Variants in UBE4B observed in about 807,000 individuals in gnomAD.
UBE4B encodes ubiquitination factor E4B, also known as ubiquitin conjugation factor E4 B.
UBE4B carries 27 observed loss-of-function variants against 148.1 expected under a neutral mutation model. That is an observed-to-expected ratio of 0.18 (90% confidence interval 0.13 to 0.25). The LOEUF is 0.25. Among genes scored for constraint, UBE4B ranks in the 10% least tolerant of loss-of-function variants. The probability of loss-of-function intolerance (pLI) is 1.00; values close to 1 mark genes in which losing one functional copy is unlikely to be tolerated. For missense variants in UBE4B, 1,170 were observed against 1,662.4 expected (o/e 0.70, Z 5.15); for synonymous variants, 596 against 619.3 (o/e 0.96, Z 0.56).
Position 10,178,629 on chromosome 1 carries a change from A to G in UBE4B, c.3526-15A>G. 1 of 1,577,872 alleles carries G rather than the reference A, an allele frequency of 6.3e-7. No individual in the cohort carries two copies. The highest frequency in any genetic ancestry group is 2.3e-5 in the East Asian group (1 of 43,706). ...ACGTACATTTACGTCTCACATTGCCATTCCTCCTTTGCAGAGATCCTACAG... is the reference window on the plus strand; with the variant it reads ...ACGTACATTTACGTCTCACATTGCCGTTCCTCCTTTGCAGAGATCCTACAG... On this transcript the variant is annotated splice_polypyrimidine_tract_variant and intron_variant, in intron 25 of 27. Transcript: ENST00000343090.
intron 10 of UBE4B, among the ~76,000 whole-genome samples, chr1:10,125,127 A>AAAAAAG (rs138691927): frequency 4.5e-4 from 69 of 152,220 alleles, no homozygotes; most frequent in Non-Finnish European, 8.8e-4. Context: ...TTGTGTCTGG[A>AAAAAAG]AAAAAGAAAA....
chr1:10,041,367 T>C (rs906297284), intron 1 of UBE4B, among the ~76,000 whole-genome samples: 9 of 148,444 alleles, frequency 6.1e-5, no homozygotes, highest in Non-Finnish European at 1.2e-4. Flanking sequence ...GGAGTTTCGC[T>C]CTCGTCACTC....
chr1:10,118,442 A>G (rs543949812), intron 8 of UBE4B, among the ~76,000 whole-genome samples: 4 of 151,986 alleles, frequency 2.6e-5, no homozygotes, highest in South Asian at 2.1e-4. Context: ...GGTTCAAGCA[A>G]TTCTCCTGCC....
intron 24 of UBE4B, among the ~76,000 whole-genome samples, chr1:10,170,343 G>A (rs560195255): frequency 1.3e-5 from 2 of 152,270 alleles, no homozygotes; most frequent in East Asian, 3.9e-4. Context: ...GCAAATTCTT[G>A]AAAAGCTAAG....
intron 21 of UBE4B, among the ~76,000 whole-genome samples, chr1:10,153,239 C>T (rs777541667): frequency 2.6e-4 from 39 of 151,898 alleles, no homozygotes; most frequent in Non-Finnish European, 5.1e-4. Flanking sequence ...GGCACGGTGA[C>T]TCCAGCTAAT....
chr1:10,107,410 G>A (rs769225770), intron 7 of UBE4B: 17 of 1,264,432 alleles, frequency 1.3e-5, no homozygotes, highest in African/African-American at 1.1e-4. Flanking sequence ...CTGCATGTGC[G>A]TAGATGCTTA....
chr1:10,036,012 G>A (rs1446739934), intron 1 of UBE4B, among the ~76,000 whole-genome samples: 2 of 151,736 alleles, frequency 1.3e-5, no homozygotes, highest in Non-Finnish European at 2.9e-5. Flanking sequence ...CCAAAGTGCT[G>A]GGATTACAGG....
intron 16 of UBE4B, among the ~76,000 whole-genome samples, chr1:10,136,644 G>A (rs1466677080): frequency 1.3e-5 from 2 of 152,172 alleles, no homozygotes; most frequent in African/African-American, 4.8e-5. Context: ...TTCTGGCGGG[G>A]CATGGTGGCT....
At chr1:10,087,136 T>C (rs987020650) in intron 2 of UBE4B, among the ~76,000 whole-genome samples, 1 of 152,166 alleles carries the variant, frequency 6.6e-6, no homozygotes, top group Non-Finnish European at 1.5e-5. Context: ...GTAAACACGT[T>C]CACATTGGTT....
At chr1:10,114,374 AAGAT>A (rs1334670229) in intron 7 of UBE4B, among the ~76,000 whole-genome samples, 1 of 152,196 alleles carries the variant, frequency 6.6e-6, no homozygotes, top group East Asian at 1.9e-4. Context: ...GCTACAAGCA[AAGAT>A]AGATATTTAT....
chr1:10,134,237 G>A lies in UBE4B; in HGVS notation c.2026-751G>A, dbSNP rs148847340. On this transcript the variant is annotated intron_variant, in intron 15 of 27. Coordinates refer to ENST00000343090, the MANE Select transcript of UBE4B (RefSeq NM_001105562.3). The stretch of plus-strand genomic sequence containing the variant: ...AAAAGAATGTATAAAATGGCCAAGC[G>A]TGGTGGCTCATGCCTGTAATCCCAG... Among the ~76,000 whole-genome samples the A allele has an allele frequency of 5.9e-4, 89 of 152,068 alleles. 2 individuals carry two copies. The highest frequency in any genetic ancestry group is 5.9e-4 in the Admixed American group (9 of 15,256).
chr1:10,135,401 C>T (rs1645663352), intron 16 of UBE4B, among the ~76,000 whole-genome samples: 1 of 152,026 alleles, frequency 6.6e-6, no homozygotes, highest in South Asian at 2.1e-4. Context: ...GTCAGGAGTT[C>T]AAGACCAGCC....
At chr1:10,124,146 AC>A (rs1645454490) in intron 10 of UBE4B, among the ~76,000 whole-genome samples, 1 of 151,896 alleles carries the variant, frequency 6.6e-6, no homozygotes, top group South Asian at 2.1e-4. Context: ...ACCACCACAG[AC>A]CTGTTTATTC....
chr1:10,107,420 A>G, intron 7 of UBE4B: 5 of 1,252,892 alleles, frequency 4.0e-6, no homozygotes, highest in Non-Finnish European at 5.1e-6. Flanking sequence ...GTAGATGCTT[A>G]GGAACTAACT....
chr1:10,061,315 C>T (rs1644281224), intron 1 of UBE4B, among the ~76,000 whole-genome samples: 3 of 152,042 alleles, frequency 2.0e-5, no homozygotes, highest in Admixed American at 2.0e-4. Context: ...GTGCAAGTGG[C>T]ATGATTTTGG....
At chr1:10,156,679 A>G (rs1410074162) in intron 21 of UBE4B, among the ~76,000 whole-genome samples, 1 of 152,174 alleles carries the variant, frequency 6.6e-6, no homozygotes, top group Non-Finnish European at 1.5e-5. Flanking sequence ...CCTTATGTCA[A>G]CACTCCACAC....
intron 1 of UBE4B, among the ~76,000 whole-genome samples, chr1:10,049,892 CAA>C (rs776583824): frequency 5.3e-4 from 45 of 85,030 alleles, no homozygotes; most frequent in Admixed American, 5.0e-4. Flanking sequence ...GACCCTGTCT[CAA>C]AAAAAAAAAA....
At chr1:10,042,955 A>G (rs111402432) in intron 1 of UBE4B, among the ~76,000 whole-genome samples, 146 of 152,056 alleles carry the variant, frequency 9.6e-4, no homozygotes, top group African/African-American at 3.4e-3. Context: ...AAGCATGGTT[A>G]GAGCCTTCTG....
intron 2 of UBE4B, among the ~76,000 whole-genome samples, chr1:10,089,207 A>G (rs1644809754): frequency 6.6e-6 from 1 of 151,972 alleles, no homozygotes; most frequent in Non-Finnish European, 1.5e-5. Context: ...GGGTTTCACC[A>G]TATTGGCCAG....
Sources: gnomAD v4.1 joint callset for allele counts (sites outside exome capture counted in the v4.1 genomes callset) on GRCh38, gnomAD v4.1.1 for gene constraint, MANE v1.5 for transcripts, NCBI Gene and HGNC (gene_info 2026-07-23, HGNC 2026-07-21) for gene names.